Variants in RAPGEF2 observed in about 807,000 individuals in gnomAD.
RAPGEF2 encodes the protein Rap guanine nucleotide exchange factor 2.
In RAPGEF2, 54 loss-of-function variants were observed where a neutral mutation model predicts 186.7. The ratio of observed to expected loss-of-function variants is 0.29; its 90% CI spans 0.23 to 0.36. RAPGEF2 has a LOEUF of 0.36. Among genes scored for constraint, RAPGEF2 ranks in the 10% least tolerant of loss-of-function variants. The probability of loss-of-function intolerance (pLI) is 1.00; values close to 1 mark genes in which losing one functional copy is unlikely to be tolerated. For synonymous variants in RAPGEF2, 712 were observed against 705.9 expected, an observed-to-expected ratio of 1.01 and a Z score of -0.14; for missense variants, 1,532 against 2,045.0, an observed-to-expected ratio of 0.75 and a Z score of 4.84.
At chr4:159,337,889 CAAAAAAAAAAAAAAA>C (rs553291521) in intron 17 of RAPGEF2, among the ~76,000 whole-genome samples, 8 of 32,576 alleles carry the variant, frequency 2.5e-4, no homozygotes, top group African/African-American at 4.7e-4. Context: ...GACTCCATCT[CAAAAAAAAAAAAAAA>C]AAAAAAAAAG....
intron 2 of RAPGEF2, among the ~76,000 whole-genome samples, chr4:159,192,281 C>T (rs972894944): frequency 2.0e-5 from 3 of 152,070 alleles, no homozygotes; most frequent in South Asian, 2.1e-4. Context: ...CTCTAAAGTA[C>T]GGTGGTGGGA....
intron 7 of RAPGEF2, among the ~76,000 whole-genome samples, chr4:159,253,246 A>T (rs529289908): frequency 4.1e-4 from 62 of 152,370 alleles, no homozygotes; most frequent in African/African-American, 1.4e-3. Context: ...TGCAATGAGG[A>T]ATTTAAAACC....
intron 7 of RAPGEF2, chr4:159,267,687 G>C (rs1757581829): frequency 9.9e-6 from 9 of 907,098 alleles, no homozygotes; most frequent in Non-Finnish European, 1.2e-5. Context: ...AACAATGCTT[G>C]GCTGAATGCT....
Position 159,170,668 on chromosome 4 carries a change from G to A in RAPGEF2, c.70-15974G>A, listed in dbSNP as rs190867101. On this transcript the variant is annotated intron_variant, in intron 1 of 29. Coordinates refer to ENST00000691494, the MANE Select transcript of RAPGEF2 (RefSeq NM_001394067.2). ...TCCCATTCTGTAGGTTGTCTCTTTA[G>A]CCCAACTGTTTTCTTGGCTATACAG... is the stretch of plus-strand genomic sequence containing the variant. Among the ~76,000 whole-genome samples, 287 of 152,182 alleles carry A rather than the reference G, an allele frequency of 1.9e-3. 1 individual carries two copies. Among genetic ancestry groups the A allele is most frequent in the African/African-American group, 6.4e-3 (266 of 41,536 alleles).
chr4:159,356,255 T>C, intron 29 of RAPGEF2, 97 bp downstream of exon 29: 1 of 1,264,822 alleles, frequency 7.9e-7, no homozygotes, highest in Non-Finnish European at 1.1e-6. Context: ...TGCAGTCAGC[T>C]ATGTCTAACC....
intron 17 of RAPGEF2, among the ~76,000 whole-genome samples, chr4:159,336,795 T>C (rs138719422): frequency 3.3e-5 from 5 of 152,270 alleles, no homozygotes; most frequent in Middle Eastern, 6.8e-3. Flanking sequence ...TTAAAAATAG[T>C]AGTTATTATG....
At chr4:159,167,898 T>G (rs1295637852) in intron 1 of RAPGEF2, among the ~76,000 whole-genome samples, 4 of 152,246 alleles carry the variant, frequency 2.6e-5, no homozygotes, top group African/African-American at 9.6e-5. Context: ...AGTGGTAGAT[T>G]TACTTCCACA....
At chr4:159,235,479 T>G (rs1753155798) in intron 4 of RAPGEF2, among the ~76,000 whole-genome samples, 1 of 152,236 alleles carries the variant, frequency 6.6e-6, no homozygotes, top group Non-Finnish European at 1.5e-5. Context: ...CTCACACTCT[T>G]TATAAAATGT....
chr4:159,284,236 A>G (rs1760126039), intron 7 of RAPGEF2, among the ~76,000 whole-genome samples: 1 of 152,144 alleles, frequency 6.6e-6, no homozygotes, highest in Non-Finnish European at 1.5e-5. Context: ...ACCTTCGCCT[A>G]ACGTAGTAAC....
intron 7 of RAPGEF2, among the ~76,000 whole-genome samples, chr4:159,295,740 TGTGTGTGTGTGTGTGCGCGCGC>T (rs1422863082): frequency 1.6e-4 from 22 of 134,318 alleles, no homozygotes; most frequent in African/African-American, 5.3e-4. Context: ...TGTGTGTGTG[TGTGTGTGTGTGTGTGCGCGCGC>T]GCGCGCGCGC....
intron 7 of RAPGEF2, among the ~76,000 whole-genome samples, chr4:159,270,213 T>C (rs1341620728): frequency 6.6e-6 from 1 of 152,228 alleles, no homozygotes; most frequent in Non-Finnish European, 1.5e-5. Flanking sequence ...GTATAATTGT[T>C]GACTAGTCCT....
At chr4:159,237,795 T>TCC (rs1753443224) in intron 4 of RAPGEF2, among the ~76,000 whole-genome samples, 1 of 137,298 alleles carries the variant, frequency 7.3e-6, no homozygotes, top group Non-Finnish European at 1.5e-5. Flanking sequence ...GGCCCTAAGT[T>TCC]CAAGACCAAC....
At chr4:159,104,489 C>CGCGA (rs1487881951) in intron 1 of RAPGEF2, among the ~76,000 whole-genome samples, 2 of 88,766 alleles carry the variant, frequency 2.3e-5, no homozygotes, top group South Asian at 4.6e-4. Context: ...GTTGCCCAGC[C>CGCGA]GAGAGAGAGA....
intron 1 of RAPGEF2, among the ~76,000 whole-genome samples, chr4:159,166,182 C>T (rs1455632064): frequency 3.9e-5 from 6 of 151,956 alleles, no homozygotes; most frequent in African/African-American, 4.8e-5. Flanking sequence ...GGCGTGGTGG[C>T]GGGCACCTGT....
chr4:159,207,362 A>G (rs1259050112), intron 3 of RAPGEF2, among the ~76,000 whole-genome samples: 2 of 152,184 alleles, frequency 1.3e-5, no homozygotes, highest in African/African-American at 4.8e-5. Flanking sequence ...CTTTCACTTC[A>G]AGTGTGTTTT....
At chr4:159,285,799 A>G (rs1760380894) in intron 7 of RAPGEF2, among the ~76,000 whole-genome samples, 1 of 152,146 alleles carries the variant, frequency 6.6e-6, no homozygotes, top group East Asian at 1.9e-4. Flanking sequence ...CCTCATCATC[A>G]TTGTCATCTT....
In RAPGEF2 at chr4:159,331,704, A is replaced by T. The variant is rs575170922; in HGVS notation, c.1650A>T (p.Thr550=). 6.8e-6 allele frequency: 11 copies of T among 1,614,052 alleles called. No individual in the cohort carries two copies. In the South Asian group the frequency reaches 1.2e-4, roughly 18 times the overall value. The change falls in exon 15 of 30, where the codon ACA becomes ACT. Residue 550 remains threonine, a synonymous_variant. Transcript: ENST00000691494. The part of the protein sequence containing the change: ...AKAKRRLMTL[T]KPSREAPLPF... ...CAAAAAGAAGATTGATGACGTTAACAAAACCATCCCGAGAAGCTCCTTTGC... is the reference window on the plus strand; with the variant it reads ...CAAAAAGAAGATTGATGACGTTAACTAAACCATCCCGAGAAGCTCCTTTGC...
intron 4 of RAPGEF2, among the ~76,000 whole-genome samples, chr4:159,213,258 G>A (rs1479709994): frequency 6.6e-6 from 1 of 152,118 alleles, no homozygotes; most frequent in Non-Finnish European, 1.5e-5. Flanking sequence ...GAAGATTGGC[G>A]TTAGTGATTC....
chr4:159,330,659 T>TA (rs1255081888), intron 13 of RAPGEF2, 161 bp downstream of exon 13: 1 of 552,450 alleles, frequency 1.8e-6, no homozygotes, highest in Non-Finnish European at 3.0e-6. Flanking sequence ...AAAAAGGTGA[T>TA]ACAAAATATT....
Sources: allele counts gnomAD v4.1 joint callset (sites outside exome capture counted in the v4.1 genomes callset), GRCh38; gene constraint gnomAD v4.1.1; transcripts MANE v1.5; gene names NCBI Gene and HGNC (gene_info 2026-07-23, HGNC 2026-07-21).